Variants in ARHGAP32 observed in about 807,000 individuals in gnomAD.
The protein encoded by ARHGAP32 is Rho GTPase activating protein 32.
A neutral mutation model predicts 186.5 loss-of-function variants in ARHGAP32; 51 were observed. The ratio of observed to expected loss-of-function variants is 0.27; its 90% CI spans 0.22 to 0.35. The LOEUF (loss-of-function observed/expected upper bound fraction) is 0.35. Ranked by LOEUF, ARHGAP32 falls within the 10% of genes least tolerant of loss-of-function variation. The pLI, the probability that ARHGAP32 is intolerant of heterozygous loss-of-function variation, is 1.00. For synonymous variants in ARHGAP32, 950 were observed against 964.3 expected (o/e 0.99, Z 0.27); for missense variants, 2,186 against 2,623.5 (o/e 0.83, Z 3.64).
At chr11:129,013,270 C>T (rs1938174652) in intron 11 of ARHGAP32, among the ~76,000 whole-genome samples, 1 of 152,186 alleles carries the variant, frequency 6.6e-6, no homozygotes, top group South Asian at 2.1e-4. Flanking sequence ...CTGGCTTCTA[C>T]TCTGAATGGC....
chr11:128,980,488 TAAAAG>T, intron 18 of ARHGAP32, 60 bp downstream of exon 18: 1 of 1,328,168 alleles, frequency 7.5e-7, no homozygotes, highest in Non-Finnish European at 1.0e-6. Flanking sequence ...AAAAGCAAAC[TAAAAG>T]AAAATAATAG....
chr11:129,193,633 AAT>A (rs1283020044), upstream of ARHGAP32, among the ~76,000 whole-genome samples: 13 of 63,316 alleles, frequency 2.1e-4, no homozygotes, highest in African/African-American at 5.6e-4. Flanking sequence ...TAATATATAT[AAT>A]ATATGTTATA....
chr11:129,050,902 T>C (rs888187994), intron 10 of ARHGAP32, among the ~76,000 whole-genome samples: 1 of 152,242 alleles, frequency 6.6e-6, no homozygotes, highest in Non-Finnish European at 1.5e-5. Context: ...TTTGGTTTTC[T>C]GTTCCTGTGT....
chr11:129,049,533 C>A (rs1215758458), intron 10 of ARHGAP32, among the ~76,000 whole-genome samples: 2 of 152,192 alleles, frequency 1.3e-5, no homozygotes, highest in African/African-American at 4.8e-5. Context: ...CTTCCTTCCC[C>A]CTATCCTCCC....
chr11:128,983,916 A>C (rs1340071071), intron 15 of ARHGAP32, among the ~76,000 whole-genome samples: 1 of 152,186 alleles, frequency 6.6e-6, no homozygotes, highest in Non-Finnish European at 1.5e-5. Flanking sequence ...GAGAGTGTGA[A>C]TTGTATAAAA....
At position 128,970,004 on chromosome 11, in the gene ARHGAP32, C is replaced by T. The variant is rs775353964; in HGVS notation, c.5209G>A (p.Asp1737Asn). The change falls in exon 23 of 23, where the codon GAC becomes AAC. Residue 1737 changes from aspartate (D) to asparagine (N), a missense_variant. By Grantham distance (23) the Asp-to-Asn change is conservative. Transcript: ENST00000682385. This position sits in a 1 kb window ranked among gnomAD's most constrained non-coding sequence, Gnocchi z 5.8. ...GGAGGCATGCTGACTACATTATGGT[C>T]GTTGGGAGAGAAATAGCCAGTCACG... Reference protein sequence around the residue: ...ANVTGYFSPNDHNVVSMPPAA... With the variant: ...ANVTGYFSPNNHNVVSMPPAA... 2 of 1,614,136 alleles carry T rather than the reference C, an allele frequency of 1.2e-6. No individual in the cohort carries two copies. The highest frequency in any genetic ancestry group is 1.7e-6 in the Non-Finnish European group (2 of 1,180,042).
At chr11:129,110,234 TA>T (rs929764863) in intron 5 of ARHGAP32, among the ~76,000 whole-genome samples, 2 of 152,004 alleles carry the variant, frequency 1.3e-5, no homozygotes, top group African/African-American at 2.4e-5. Context: ...GGCAACTTTA[TA>T]AAAAAAATTT....
chr11:129,277,140 G>A (rs754216546), intron 1 of ARHGAP32, among the ~76,000 whole-genome samples: 2 of 152,166 alleles, frequency 1.3e-5, no homozygotes, highest in African/African-American at 4.8e-5. Context: ...ACAGTGTGCA[G>A]ATAATATACT....
chr11:129,249,209 CCAA>C (rs1244074408), intron 1 of ARHGAP32, among the ~76,000 whole-genome samples: 1 of 151,474 alleles, frequency 6.6e-6, no homozygotes, highest in East Asian at 1.9e-4. Context: ...CTGAGACACA[CCAA>C]AAAAAAACTT....
At chr11:128,976,020 T>G (rs1413194512) in intron 20 of ARHGAP32, among the ~76,000 whole-genome samples, 1 of 151,812 alleles carries the variant, frequency 6.6e-6, no homozygotes, top group Non-Finnish European at 1.5e-5. Flanking sequence ...GAGGTTGCAG[T>G]GATCCAAGAT....
chr11:129,065,755 T>C (rs1381906264), intron 7 of ARHGAP32, among the ~76,000 whole-genome samples: 2 of 152,058 alleles, frequency 1.3e-5, no homozygotes, highest in Non-Finnish European at 2.9e-5. Context: ...AATTTTTAAT[T>C]ATTTCCTTGC....
chr11:128,974,067 C>T, intron 21 of ARHGAP32, 57 bp downstream of exon 21: 1 of 1,572,814 alleles, frequency 6.4e-7, no homozygotes. Context: ...ACAGATGGCA[C>T]ACAGGATTGA....
At chr11:128,992,303 T>C (rs1313729565) in intron 12 of ARHGAP32, among the ~76,000 whole-genome samples, 1 of 152,336 alleles carries the variant, frequency 6.6e-6, no homozygotes, top group Middle Eastern at 3.4e-3. Flanking sequence ...ACTCTCACTA[T>C]TTTGTTTTAG....
Position 128,968,412 on chromosome 11 carries a change from G to T in ARHGAP32, c.*495C>A, listed in dbSNP as rs1169071989. ...CTAACTGAACACAAGATCCTTCTCA[G>T]ACGGGGAGAATGAAGTGACAACAGT... On this transcript the variant is annotated 3_prime_UTR_variant, in exon 23 of 23. Transcript: ENST00000682385. 1 of 152,268 alleles carries T rather than the reference G, an allele frequency of 6.6e-6. No homozygotes were observed. The allele number at this position is 152,268 out of a possible 1,614,324, so 9.4% of individuals were successfully genotyped here.
At chr11:129,032,606 C>T (rs1325569641) in intron 11 of ARHGAP32, among the ~76,000 whole-genome samples, 1 of 152,150 alleles carries the variant, frequency 6.6e-6, no homozygotes, top group African/African-American at 2.4e-5. Context: ...TAGGCTTCTA[C>T]TTACTTTGTG....
At chr11:129,264,833 G>A (rs1945373221) in intron 1 of ARHGAP32, among the ~76,000 whole-genome samples, 1 of 152,134 alleles carries the variant, frequency 6.6e-6, no homozygotes, top group Non-Finnish European at 1.5e-5. Context: ...CTCAAAAACA[G>A]GTGAAAACAC....
chr11:129,180,314 A>G (rs117517064), intron 1 of ARHGAP32, among the ~76,000 whole-genome samples: 475 of 152,314 alleles, frequency 3.1e-3, no homozygotes, highest in Non-Finnish European at 4.8e-3. Flanking sequence ...AAATTAATCT[A>G]TTGTGACAAA....
At chr11:129,266,374 C>T (rs73584242) in intron 1 of ARHGAP32, among the ~76,000 whole-genome samples, 1,616 of 152,168 alleles carry the variant, frequency 0.011, 28 homozygotes, top group African/African-American at 0.037. Flanking sequence ...TAAACCTGCC[C>T]ATAAAGCACC....
At chr11:129,214,292 G>A (rs186151949) in intron 1 of ARHGAP32, among the ~76,000 whole-genome samples, 31 of 152,250 alleles carry the variant, frequency 2.0e-4, no homozygotes, top group African/African-American at 7.5e-4. Context: ...GGTTCTTTAC[G>A]TAAGATGAAC....
Sources: allele counts gnomAD v4.1 joint callset (sites outside exome capture counted in the v4.1 genomes callset), GRCh38; gene constraint gnomAD v4.1.1; non-coding constraint Gnocchi (gnomAD v3.1); transcripts MANE v1.5; gene names NCBI Gene and HGNC (gene_info 2026-07-23, HGNC 2026-07-21).